Variants in SPAG17 observed in about 807,000 individuals in gnomAD.
SPAG17 encodes the protein sperm associated antigen 17, also known as sperm-associated antigen 17.
SPAG17 carries 169 observed loss-of-function variants against 273.6 expected under a neutral mutation model. That is an observed-to-expected ratio of 0.62 (90% CI 0.55 to 0.70). The LOEUF is 0.70. SPAG17 is among the 30% of genes least tolerant of loss of function. The pLI, the probability that SPAG17 is intolerant of heterozygous loss-of-function variation, is 0.00. For synonymous variants in SPAG17, 825 were observed against 873.2 expected (o/e 0.94, Z 0.97); for missense variants, 2,557 against 2,627.8 (o/e 0.97, Z 0.59).
At chr1:118,098,563 T>C (rs1655860642) in intron 6 of SPAG17, among the ~76,000 whole-genome samples, 1 of 152,078 alleles carries the variant, frequency 6.6e-6, no homozygotes, top group African/African-American at 2.4e-5. Context: ...ATGCAGCATT[T>C]TCTCACTTCA....
chr1:118,152,244 T>C (rs138797617), intron 1 of SPAG17, among the ~76,000 whole-genome samples: 19 of 152,234 alleles, frequency 1.2e-4, no homozygotes, highest in African/African-American at 4.3e-4. Context: ...GTTTCCCCAT[T>C]CATAAAATAA....
intron 1 of SPAG17, among the ~76,000 whole-genome samples, chr1:118,159,416 G>A (rs138019741): frequency 6.6e-6 from 1 of 152,214 alleles, no homozygotes; most frequent in African/African-American, 2.4e-5. Flanking sequence ...TTGTGACTCA[G>A]TTTCTCATTT....
At chr1:117,961,914 A>T (rs1653151573) in intron 48 of SPAG17, 2 of 152,266 alleles carry the variant, frequency 1.3e-5, no homozygotes, top group South Asian at 2.1e-4. Context: ...TTCTTGAAAA[A>T]AAATTTAATT....
At chr1:118,061,029 A>G (rs1652234059) in intron 18 of SPAG17, among the ~76,000 whole-genome samples, 1 of 152,200 alleles carries the variant, frequency 6.6e-6, no homozygotes, top group African/African-American at 2.4e-5. Flanking sequence ...TATTATAAAC[A>G]AAACAAAATA....
At chr1:118,159,663 C>A (rs1019271975) in intron 1 of SPAG17, among the ~76,000 whole-genome samples, 1 of 152,098 alleles carries the variant, frequency 6.6e-6, no homozygotes, top group Non-Finnish European at 1.5e-5. Context: ...TTCTTTGTAC[C>A]GTGTAGCCTC....
intron 48 of SPAG17, chr1:117,958,940 A>T (rs1652629890): frequency 6.2e-7 from 1 of 1,613,912 alleles, no homozygotes; most frequent in Non-Finnish European, 8.5e-7. Context: ...CTAGCAATCA[A>T]ATGCTTGTGC....
intron 20 of SPAG17, among the ~76,000 whole-genome samples, chr1:118,053,031 T>C (rs1268186203): frequency 6.6e-6 from 1 of 152,018 alleles, no homozygotes; most frequent in Non-Finnish European, 1.5e-5. Context: ...TTATGATATA[T>C]GTAGTTATGT....
chr1:117,988,545 T>G (rs974317215), intron 38 of SPAG17, among the ~76,000 whole-genome samples: 4 of 152,198 alleles, frequency 2.6e-5, no homozygotes, highest in Non-Finnish European at 4.4e-5. Flanking sequence ...TGAAATTGTT[T>G]TTCTGGATAT....
chr1:118,043,578 T>C (rs1650016472), intron 20 of SPAG17, among the ~76,000 whole-genome samples: 2 of 152,230 alleles, frequency 1.3e-5, no homozygotes, highest in Non-Finnish European at 2.9e-5. Context: ...CATTATATAA[T>C]GGTGTGCTAC....
rs1223664437 is a variant in SPAG17 at position 118,012,260 on chromosome 1, T to C, written c.4400A>G (p.Asp1467Gly). The change falls in exon 30 of 49, where the codon GAT becomes GGT. Residue 1467 changes from aspartate to glycine, a missense_variant. Asp to Gly is a moderately conservative substitution (Grantham distance 94). Coordinates refer to ENST00000336338, the MANE Select transcript of SPAG17 (RefSeq NM_206996.4). ...TTGATCATCTGGCAGAATAATTTGA[T>C]CTTCATAAACTTGATAAAAGGTTGT... ...RITTFYQVYE[D>G]QIILPDDQET... 6.2e-7 allele frequency: 1 copy of C among 1,613,518 alleles called. No individual in the cohort carries two copies. Among genetic ancestry groups the C allele is most frequent in the South Asian group, 1.1e-5 (1 of 90,998 alleles).
intron 15 of SPAG17, among the ~76,000 whole-genome samples, chr1:118,074,964 T>A (rs1653955448): frequency 6.6e-6 from 1 of 152,234 alleles, no homozygotes. Context: ...TTTGTCTTCT[T>A]GTGCTGGTGA....
In SPAG17 at chr1:118,013,053, T is replaced by C. The variant is rs367895916; in HGVS notation, c.4288-681A>G. Among the ~76,000 whole-genome samples, 4 of 152,222 alleles carry C rather than the reference T, an allele frequency of 2.6e-5. No homozygotes were observed. The East Asian group carries it at 7.7e-4, about 29-fold the overall frequency. Reference sequence around the variant, plus strand: ...TTCAGCTTTTACCTCTGCCCATTACTGCTTTCTCCCTCCTCCTTTCACATA... The same window carrying C: ...TTCAGCTTTTACCTCTGCCCATTACCGCTTTCTCCCTCCTCCTTTCACATA... On this transcript the variant is annotated intron_variant, in intron 29 of 48. Coordinates refer to ENST00000336338, the MANE Select transcript of SPAG17 (RefSeq NM_206996.4).
At chr1:118,146,967 G>T (rs922211199) in intron 3 of SPAG17, among the ~76,000 whole-genome samples, 13 of 152,240 alleles carry the variant, frequency 8.5e-5, no homozygotes, top group Middle Eastern at 6.8e-3. Context: ...ACCCCTCCCT[G>T]CCAACTACCC....
At chr1:118,090,566 T>C (rs1302395615) in intron 10 of SPAG17, among the ~76,000 whole-genome samples, 1 of 151,812 alleles carries the variant, frequency 6.6e-6, no homozygotes, top group Non-Finnish European at 1.5e-5. Flanking sequence ...ACAAAATAAA[T>C]CCAAAGAAAG....
intron 1 of SPAG17, among the ~76,000 whole-genome samples, chr1:118,182,956 A>G (rs1304841445): frequency 1.3e-5 from 2 of 152,234 alleles, no homozygotes; most frequent in Non-Finnish European, 2.9e-5. Context: ...GAAACAACTG[A>G]TAATTATTCC....
intron 4 of SPAG17, among the ~76,000 whole-genome samples, chr1:118,105,702 A>G (rs2102231605): frequency 6.6e-6 from 1 of 152,272 alleles, no homozygotes; most frequent in Non-Finnish European, 1.5e-5. Flanking sequence ...AAGGTTAGAG[A>G]ACAGGACATC....
At chr1:118,026,957 T>A (rs1186578729) in intron 26 of SPAG17, among the ~76,000 whole-genome samples, 1 of 152,176 alleles carries the variant, frequency 6.6e-6, no homozygotes, top group Non-Finnish European at 1.5e-5. Context: ...TTTAAACAGA[T>A]GAGCTATTAT....
intron 27 of SPAG17, 50 bp downstream of exon 27, chr1:118,025,188 T>C (rs1189103375): frequency 6.3e-7 from 1 of 1,576,172 alleles, no homozygotes; most frequent in African/African-American, 1.4e-5. Context: ...CCATAAGTTG[T>C]CTTTTACTTT....
rs796688654 is a variant in SPAG17, at chr1:118,182,587, T to C, written c.87+2484A>G. Among the ~76,000 whole-genome samples the C allele has an allele frequency of 2.6e-5, 4 of 152,220 alleles. No homozygotes were observed. In the South Asian group the frequency reaches 8.3e-4, roughly 31 times the overall value. ...CATATCAGTAAGTTAAATATTTTGG[T>C]ATATGGATAGCAAAGATAGTAAATG... On this transcript the variant is annotated intron_variant, in intron 1 of 48. Coordinates refer to ENST00000336338, the MANE Select transcript of SPAG17 (RefSeq NM_206996.4).
Sources: allele counts gnomAD v4.1 joint callset (sites outside exome capture counted in the v4.1 genomes callset), GRCh38; gene constraint gnomAD v4.1.1; transcripts MANE v1.5; gene names NCBI Gene and HGNC (gene_info 2026-07-23, HGNC 2026-07-21).